The following ARFGEF2 variants were observed in gnomAD, a reference collection of about 807,000 sequenced individuals.
ARFGEF2 encodes brefeldin A-inhibited guanine nucleotide-exchange protein 2.
Under a neutral mutation model 219.9 loss-of-function variants are expected in ARFGEF2, and 74 were observed. The ratio of observed to expected loss-of-function variants is 0.34; its 90% CI spans 0.28 to 0.41. ARFGEF2 has a LOEUF of 0.41. Among genes scored for constraint, ARFGEF2 ranks in the 10% least tolerant of loss-of-function variants. The pLI, the probability that ARFGEF2 is intolerant of heterozygous loss-of-function variation, is 1.00. For synonymous variants in ARFGEF2, 733 were observed against 799.2 expected (o/e 0.92, Z 1.40); for missense variants, 1,743 against 2,218.3 (o/e 0.79, Z 4.30).
intron 1 of ARFGEF2, among the ~76,000 whole-genome samples, chr20:48,934,352 C>T (rs538478581): frequency 6.6e-6 from 1 of 152,152 alleles, no homozygotes; most frequent in South Asian, 2.1e-4. Context: ...AAAATTATTA[C>T]ACTTTTAACT....
intron 30 of ARFGEF2, among the ~76,000 whole-genome samples, chr20:49,015,608 G>A (rs899396723): frequency 2.0e-5 from 3 of 152,160 alleles, no homozygotes; most frequent in African/African-American, 7.2e-5. Context: ...TGGGGCCTGC[G>A]TATTACTAAG....
chr20:49,007,067 T>G (rs6019578), intron 26 of ARFGEF2, among the ~76,000 whole-genome samples: 152,209 of 152,210 alleles, frequency 1, 76,104 homozygotes, highest in Non-Finnish European at 1. Flanking sequence ...ATGAGGACCA[T>G]TAGGATGAGG....
At chr20:48,923,951 A>G (rs1393177806) in intron 1 of ARFGEF2, among the ~76,000 whole-genome samples, 6 of 152,242 alleles carry the variant, frequency 3.9e-5, no homozygotes, top group Admixed American at 2.0e-4. Context: ...AGTGAATTGT[A>G]AAAAATGGCC....
chr20:48,940,495 A>G (rs892259917), intron 1 of ARFGEF2, among the ~76,000 whole-genome samples: 7 of 152,262 alleles, frequency 4.6e-5, no homozygotes, highest in Admixed American at 4.6e-4. Flanking sequence ...TCTTCTATGC[A>G]TATTTGCACA....
chr20:48,948,574 G>A (rs1202366112), intron 3 of ARFGEF2, among the ~76,000 whole-genome samples: 1 of 152,090 alleles, frequency 6.6e-6, no homozygotes, highest in African/African-American at 2.4e-5. Flanking sequence ...CATGTGGGTG[G>A]GATAACTTGT....
chr20:48,937,919 T>C (rs2090969038), intron 1 of ARFGEF2, among the ~76,000 whole-genome samples: 1 of 152,244 alleles, frequency 6.6e-6, no homozygotes, highest in South Asian at 2.1e-4. Context: ...CACAGAGCAG[T>C]AAAACACCAG....
At chr20:49,027,210 C>A (rs113179329) in intron 36 of ARFGEF2, among the ~76,000 whole-genome samples, 1 of 152,036 alleles carries the variant, frequency 6.6e-6, no homozygotes, top group South Asian at 2.1e-4. Context: ...CTCAGCCTCC[C>A]AAGTAGCTGG....
rs111812544 is a variant in ARFGEF2 at position 48,941,832 on chromosome 20, C to A, written c.153-32C>A. On this transcript the variant is annotated intron_variant, in intron 2 of 38. Transcript: ENST00000371917. ...AGAGTAAGGTGTAGAAAATTCATTTCTTCTCCCGACCCTCTCTTGCTTTTC... is the reference window on the plus strand; with the variant it reads ...AGAGTAAGGTGTAGAAAATTCATTTATTCTCCCGACCCTCTCTTGCTTTTC... 1,079 of 1,614,120 alleles carry A rather than the reference C, an allele frequency of 6.7e-4. 10 individuals carry two copies. In the African/African-American group the frequency reaches 0.011, roughly 17 times the overall value.
At chr20:48,957,796 C>T (rs2091114302) in intron 6 of ARFGEF2, among the ~76,000 whole-genome samples, 1 of 152,190 alleles carries the variant, frequency 6.6e-6, no homozygotes, top group Non-Finnish European at 1.5e-5. Flanking sequence ...CTTCAGGAAC[C>T]TTCTGCTGGT....
At chr20:48,936,106 G>A (rs1483870917) in intron 1 of ARFGEF2, among the ~76,000 whole-genome samples, 1 of 145,026 alleles carries the variant, frequency 6.9e-6, no homozygotes, top group Non-Finnish European at 1.5e-5. Context: ...CGGACGGGGC[G>A]GCTGGCCGGG....
At chr20:48,969,466 G>A (rs2091211871) in intron 9 of ARFGEF2, among the ~76,000 whole-genome samples, 189 bp downstream of exon 9, 1 of 152,200 alleles carries the variant, frequency 6.6e-6, no homozygotes, top group Admixed American at 6.5e-5. Flanking sequence ...AATTGTCTCT[G>A]TATCCCCACC....
intron 14 of ARFGEF2, among the ~76,000 whole-genome samples, chr20:48,979,130 T>C (rs920564046): frequency 1.3e-5 from 2 of 152,208 alleles, no homozygotes; most frequent in Non-Finnish European, 2.9e-5. Context: ...ATAGCTCTTA[T>C]TATTTTGAGA....
At chr20:48,928,812 G>A (rs2090895579) in intron 1 of ARFGEF2, among the ~76,000 whole-genome samples, 1 of 152,216 alleles carries the variant, frequency 6.6e-6, no homozygotes, top group South Asian at 2.1e-4. Context: ...AGTCTTTAAA[G>A]GAAAAGGAAC....
intron 3 of ARFGEF2, among the ~76,000 whole-genome samples, chr20:48,951,092 T>C (rs1568699702): frequency 1.3e-5 from 2 of 151,914 alleles, no homozygotes; most frequent in Non-Finnish European, 2.9e-5. Context: ...TGGGGAGTGC[T>C]CTATACCTTG....
chr20:49,016,505 C>G, intron 31 of ARFGEF2, 90 bp downstream of exon 31: 1 of 1,384,468 alleles, frequency 7.2e-7, no homozygotes. Context: ...GGATGTAGTG[C>G]CATGGAGTAC....
chr20:48,961,818 C>T (rs1275482497), intron 6 of ARFGEF2, among the ~76,000 whole-genome samples: 3 of 138,446 alleles, frequency 2.2e-5, no homozygotes, highest in African/African-American at 8.1e-5. Context: ...GAGCCAAGAT[C>T]GTGTCACTGC....
At position 48,994,568 on chromosome 20, in the gene ARFGEF2, G is replaced by C; in HGVS notation, c.3091G>C (p.Ala1031Pro). Reference protein sequence around the residue: ...REGSLKGHTLAGEEFMGLGLG... With the variant: ...REGSLKGHTLPGEEFMGLGLG... Reference sequence around the variant, plus strand: ...AGGGAGCCTGAAGGGCCACACATTGGCAGGAGAAGAGTTCATGGGCCTTGG... The same window carrying C: ...AGGGAGCCTGAAGGGCCACACATTGCCAGGAGAAGAGTTCATGGGCCTTGG... Residue 1031 changes from alanine (A) to proline (P), a missense_variant, in exon 22 of 39, where the codon GCA becomes CCA. Around this residue, in one of 5 missense-constraint regions of ARFGEF2, gnomAD observed 666 missense variants for 955.4 expected, o/e 0.70. Coordinates refer to ENST00000371917, the MANE Select transcript of ARFGEF2 (RefSeq NM_006420.3). 6.2e-7 allele frequency: 1 copy of C among 1,614,060 alleles called. No individual in the cohort carries two copies. The highest frequency in any genetic ancestry group is 8.5e-7 in the Non-Finnish European group (1 of 1,180,022).
rs760454987 is a variant in ARFGEF2, at chr20:49,023,146, A to G, written c.4720A>G (p.Lys1574Glu). The G allele has an allele frequency of 6.2e-7, 1 of 1,614,196 alleles. No individual in the cohort carries two copies. Among genetic ancestry groups the G allele is most frequent in the Admixed American group, 1.7e-5 (1 of 60,024 alleles). The change falls in exon 35 of 39, where the codon AAA becomes GAA. Residue 1574 changes from lysine (K) to glutamate (E), a missense_variant. Transcript: ENST00000371917. Reference protein sequence around the residue: ...DNIVFYPATSKKEDAEHMVAA... With the variant: ...DNIVFYPATSEKEDAEHMVAA... ...CATTGTGTTCTACCCTGCGACGAGC[A>G]AAAAGGAGGATGCAGAGCACATGGT...
intron 37 of ARFGEF2, among the ~76,000 whole-genome samples, chr20:49,029,315 C>T (rs1429743998): frequency 2.6e-5 from 4 of 152,154 alleles, no homozygotes; most frequent in East Asian, 1.9e-4. Context: ...CACTCTCCTG[C>T]GTAGCTAGTT....
Sources: gnomAD v4.1 joint callset for allele counts (sites outside exome capture counted in the v4.1 genomes callset) on GRCh38, gnomAD v4.1.1 for gene constraint, gnomAD v4.1.1 regional missense constraint, MANE v1.5 for transcripts, NCBI Gene and HGNC (gene_info 2026-07-23, HGNC 2026-07-21) for gene names.